The following SEM1 variants were observed in gnomAD, a reference collection of about 807,000 sequenced individuals.
SEM1 encodes the protein 26S proteasome complex subunit SEM1.
In SEM1, 3 loss-of-function variants were observed where a neutral mutation model predicts 12.7. That is an observed-to-expected ratio of 0.24 (90% CI 0.11 to 0.61). The LOEUF (loss-of-function observed/expected upper bound fraction) is 0.61, where lower values mean the gene tolerates loss of function less well. Among genes scored for constraint, SEM1 ranks in the 20% least tolerant of loss-of-function variants. The pLI is 0.88. For missense variants in SEM1, 59 were observed against 81.3 expected, an observed-to-expected ratio of 0.73 and a Z score of 1.06; for synonymous variants, 30 against 27.8, an observed-to-expected ratio of 1.08 and a Z score of -0.25.
At chr7:96,518,895 C>A (rs1260809592) in intron 2 of SEM1, among the ~76,000 whole-genome samples, 1 of 152,162 alleles carries the variant, frequency 6.6e-6, no homozygotes, top group African/African-American at 2.4e-5. Context: ...TCCAAATACC[C>A]CCACCACAAA....
chr7:96,523,996 G>C (rs993185385), intron 2 of SEM1, among the ~76,000 whole-genome samples: 2 of 151,824 alleles, frequency 1.3e-5, no homozygotes, highest in African/African-American at 4.8e-5. Flanking sequence ...CTTCACCTCT[G>C]TCCCCTTTTG....
intron 2 of SEM1, among the ~76,000 whole-genome samples, chr7:96,525,729 A>G (rs1804439572): frequency 6.6e-6 from 1 of 152,154 alleles, no homozygotes; most frequent in African/African-American, 2.4e-5. Flanking sequence ...GGCAAGCCAG[A>G]ATTACTGCCT....
intron 2 of SEM1, among the ~76,000 whole-genome samples, chr7:96,568,304 C>T (rs1047198508): frequency 2.6e-5 from 4 of 151,758 alleles, no homozygotes; most frequent in Admixed American, 1.3e-4. Context: ...AATATCTGCA[C>T]TAAGGTTCTC....
chr7:96,537,108 T>A (rs1250927838), intron 2 of SEM1, among the ~76,000 whole-genome samples: 1 of 151,756 alleles, frequency 6.6e-6, no homozygotes, highest in Non-Finnish European at 1.5e-5. Flanking sequence ...GAATTTATAA[T>A]AAACATTTTT....
At chr7:96,558,501 A>T (rs1805598046) in intron 2 of SEM1, among the ~76,000 whole-genome samples, 1 of 142,118 alleles carries the variant, frequency 7.0e-6, no homozygotes, top group Non-Finnish European at 1.6e-5. Flanking sequence ...GGTGGAACAA[A>T]TGGAATGGGT....
At chr7:96,634,517 T>C (rs908505608) in intron 2 of SEM1, among the ~76,000 whole-genome samples, 1 of 150,898 alleles carries the variant, frequency 6.6e-6, no homozygotes, top group Non-Finnish European at 1.5e-5. Flanking sequence ...TGTTTCTCTT[T>C]GTATTCTGAT....
chr7:96,702,789 G>A (rs2115995969), intron 1 of SEM1, among the ~76,000 whole-genome samples: 1 of 152,258 alleles, frequency 6.6e-6, no homozygotes, highest in East Asian at 1.9e-4. Flanking sequence ...CCCAGTAATG[G>A]AACAAATGAG....
intron 2 of SEM1, among the ~76,000 whole-genome samples, chr7:96,668,120 GAGAAA>G (rs1360526372): frequency 4.0e-4 from 61 of 152,316 alleles, no homozygotes; most frequent in African/African-American, 1.2e-3. Context: ...GATAGGCATT[GAGAAA>G]AGAAATGAAA....
Position 96,688,984 on chromosome 7 carries a change from G to T in SEM1, c.171-18C>A. The stretch of plus-strand genomic sequence containing the variant: ...GTTCAGCTCTAAGATAAAACAGAAA[G>T]AACATCACTAGGTATTCTTTATAAT... On this transcript the variant is annotated intron_variant, in intron 2 of 2. Coordinates refer to ENST00000248566, the MANE Select transcript of SEM1 (RefSeq NM_006304.2). 4 of 1,469,908 alleles carry T rather than the reference G, an allele frequency of 2.7e-6. No homozygotes were observed. The highest frequency in any genetic ancestry group is 3.8e-6 in the Non-Finnish European group (4 of 1,052,158). 91.1% of individuals were successfully genotyped at this position (1,469,908 alleles called of 1,614,324 possible).
At chr7:96,488,986 C>T (rs1802886867) in intron 1 of SEM1, among the ~76,000 whole-genome samples, 1 of 152,084 alleles carries the variant, frequency 6.6e-6, no homozygotes, top group Non-Finnish European at 1.5e-5. Context: ...CAGATACAAT[C>T]TTAATGTAGA....
At chr7:96,598,793 C>G (rs1263049593) in intron 2 of SEM1, among the ~76,000 whole-genome samples, 3 of 152,100 alleles carry the variant, frequency 2.0e-5, no homozygotes, top group Non-Finnish European at 2.9e-5. Context: ...GGTCTATGAT[C>G]TTGACTGAAG....
At chr7:96,653,189 C>T (rs1809057294) in intron 2 of SEM1, among the ~76,000 whole-genome samples, 1 of 152,108 alleles carries the variant, frequency 6.6e-6, no homozygotes, top group African/African-American at 2.4e-5. Flanking sequence ...CTCCAGGAGC[C>T]ATGTGCAGAC....
intron 2 of SEM1, among the ~76,000 whole-genome samples, chr7:96,542,772 C>A (rs541581089): frequency 6.6e-6 from 1 of 151,774 alleles, no homozygotes; most frequent in African/African-American, 2.4e-5. Flanking sequence ...TAAATTGCCA[C>A]AAATTTTGGG....
intron 2 of SEM1, among the ~76,000 whole-genome samples, chr7:96,485,718 T>A (rs1379075790): frequency 6.6e-6 from 1 of 151,760 alleles, no homozygotes; most frequent in Non-Finnish European, 1.5e-5. Context: ...TTTTCTGTAT[T>A]CTTAATAGAG....
At chr7:96,555,174 G>GA (rs1319074541) in intron 2 of SEM1, among the ~76,000 whole-genome samples, 1 of 100,282 alleles carries the variant, frequency 1.0e-5, no homozygotes, top group Non-Finnish European at 2.9e-5. Flanking sequence ...ATTTTTTGAA[G>GA]GGTTTTTGTG....
downstream of SEM1, among the ~76,000 whole-genome samples, chr7:96,670,954 A>T (rs1789298751): frequency 2.6e-5 from 4 of 152,186 alleles, no homozygotes; most frequent in Admixed American, 2.6e-4. Context: ...CCTCATGGAG[A>T]TATATCCTCT....
chr7:96,505,379 CA>C (rs1195975324), intron 3 of SEM1, among the ~76,000 whole-genome samples: 4 of 152,122 alleles, frequency 2.6e-5, no homozygotes, highest in Non-Finnish European at 5.9e-5. Context: ...TTTGGGACTA[CA>C]GGTGTGAGCC....
At chr7:96,625,573 A>C (rs950685707) in intron 2 of SEM1, among the ~76,000 whole-genome samples, 2 of 152,200 alleles carry the variant, frequency 1.3e-5, no homozygotes, top group African/African-American at 4.8e-5. Context: ...TAAGTCTCAA[A>C]GTTTAGGATC....
Position 96,491,515 on chromosome 7 carries a change from C to T in SEM1, c.12+4769G>A, listed in dbSNP as rs75226562. On this transcript the variant is annotated intron_variant, in intron 1 of 3. Coordinates refer to the SEM1 transcript ENST00000356686. ...ACTAGTTTATTTAGTCGTAAAGATT[C>T]GTTAAGATAAAAACCAAACACAGTC... is the stretch of plus-strand genomic sequence containing the variant. Among the ~76,000 whole-genome samples the T allele has an allele frequency of 9.0e-3, 1,372 of 152,218 alleles. 18 individuals carry two copies. The highest frequency in any genetic ancestry group is 0.031 in the African/African-American group (1,272 of 41,522).
Sources: gnomAD v4.1 joint callset for allele counts (sites outside exome capture counted in the v4.1 genomes callset) on GRCh38, gnomAD v4.1.1 for gene constraint, MANE v1.5 for transcripts, NCBI Gene and HGNC (gene_info 2026-07-23, HGNC 2026-07-21) for gene names.